Variants in TSPEAR observed in about 807,000 individuals in gnomAD.
The protein encoded by TSPEAR is thrombospondin type laminin G domain and EAR repeats, also known as thrombospondin-type laminin G domain and EAR repeat-containing protein.
Under a neutral mutation model 71.6 loss-of-function variants are expected in TSPEAR, and 69 were observed. The ratio of observed to expected loss-of-function variants is 0.96; its 90% CI spans 0.79 to 1.18. The LOEUF is 1.18. Among genes scored for constraint, TSPEAR ranks in the 50% most tolerant of loss-of-function variants. The pLI is 0.00. For synonymous variants in TSPEAR, 402 were observed against 387.2 expected (o/e 1.04, Z -0.45); for missense variants, 971 against 894.9 (o/e 1.09, Z -1.09).
chr21:44,514,518 C>A (rs59571442), intron 9 of TSPEAR, among the ~76,000 whole-genome samples: 1 of 152,208 alleles, frequency 6.6e-6, no homozygotes, highest in Non-Finnish European at 1.5e-5. Flanking sequence ...ACCCCACATG[C>A]CGACAGCTGC....
intron 9 of TSPEAR, chr21:44,516,214 T>G (rs1003840904): frequency 6.6e-6 from 1 of 152,254 alleles, no homozygotes; most frequent in Non-Finnish European, 1.5e-5. Context: ...CAGCAGGAAT[T>G]CCAGGGCTTT....
Position 44,638,259 on chromosome 21 carries a change from C to T in TSPEAR, c.83-70254G>A, listed in dbSNP as rs139760491. The T allele has an allele frequency of 2.6e-3, 3,882 of 1,520,386 alleles. 88 individuals carry two copies. The African/African-American group carries it at 0.048, about 19-fold the overall frequency. The allele number at this position is 1,520,386 out of a possible 1,614,324, so 94.2% of individuals were successfully genotyped here. ...CAAGCTCTGCCCTCTCTGGCTTTGACACCCTCAGAAGGTGGGGCAGGCTCT... is the reference window on the plus strand; with the variant it reads ...CAAGCTCTGCCCTCTCTGGCTTTGATACCCTCAGAAGGTGGGGCAGGCTCT... On this transcript the variant is annotated intron_variant, in intron 1 of 11. Transcript: ENST00000323084.
chr21:44,517,779 T>C (rs2052625579), intron 9 of TSPEAR: 1 of 471,096 alleles, frequency 2.1e-6, no homozygotes, highest in African/African-American at 2.0e-5. Flanking sequence ...TACCTCCTGA[T>C]ATCCAGGGCT....
At chr21:44,606,617 G>A (rs191926834) in intron 1 of TSPEAR, among the ~76,000 whole-genome samples, 12 of 152,242 alleles carry the variant, frequency 7.9e-5, no homozygotes, top group Admixed American at 3.3e-4. Flanking sequence ...GTATGGAATC[G>A]ATCTCAGTTC....
chr21:44,698,088 C>T, intron 1 of TSPEAR: 1 of 998,080 alleles, frequency 1.0e-6, no homozygotes, highest in South Asian at 1.7e-5. Flanking sequence ...AGCCTCTCTT[C>T]CCCTAAGCCC....
intron 1 of TSPEAR, chr21:44,647,504 T>C: frequency 1.1e-6 from 1 of 935,876 alleles, no homozygotes; most frequent in Non-Finnish European, 1.6e-6. Context: ...CGTCACACTT[T>C]CCTCCCCACT....
In TSPEAR at chr21:44,697,450, G is replaced by C. The variant is rs1029392419; in HGVS notation, c.82+13983C>G. 26 of 1,613,818 alleles carry C rather than the reference G, an allele frequency of 1.6e-5. 1 individual carries two copies. Among genetic ancestry groups the C allele is most frequent in the Admixed American group, 1.2e-4 (7 of 60,002 alleles). Reference sequence around the variant, plus strand: ...GCTGCACCAGCTCCTGCACGCCCTCGTGCTGCCAGCAGTCTAGCTGCCAGC... The same window carrying C: ...GCTGCACCAGCTCCTGCACGCCCTCCTGCTGCCAGCAGTCTAGCTGCCAGC... On this transcript the variant is annotated intron_variant, in intron 1 of 11. Transcript: ENST00000323084.
At chr21:44,589,422 T>G (rs1217580080) in intron 1 of TSPEAR, among the ~76,000 whole-genome samples, 1 of 152,188 alleles carries the variant, frequency 6.6e-6, no homozygotes, top group Non-Finnish European at 1.5e-5. Flanking sequence ...TACACCAGTC[T>G]CTGGCTGCTG....
chr21:44,511,458 G>A (rs1327430238), intron 9 of TSPEAR, among the ~76,000 whole-genome samples: 2 of 152,200 alleles, frequency 1.3e-5, no homozygotes, highest in African/African-American at 2.4e-5. Flanking sequence ...GCCTGCTCAT[G>A]TATACATACA....
In TSPEAR at chr21:44,637,162, C is replaced by T. The variant is rs587687479; in HGVS notation, c.83-69157G>A. Among the ~76,000 whole-genome samples the T allele has an allele frequency of 2.8e-4, 42 of 152,246 alleles. No individual in the cohort carries two copies. The East Asian group carries it at 4.1e-3, about 15-fold the overall frequency. On this transcript the variant is annotated intron_variant, in intron 1 of 11. Transcript: ENST00000323084. ...CCCGGGAGACAGGCTCAGCCAGGGG[C>T]GCCGGTCCTGCCCAGGACCAGCCAA...
chr21:44,503,566 G>T (rs1601315843), intron 11 of TSPEAR, among the ~76,000 whole-genome samples: 3 of 116,512 alleles, frequency 2.6e-5, no homozygotes, highest in African/African-American at 1.0e-4. Context: ...GAAGCAATGT[G>T]CTGGGAGGAA....
At chr21:44,588,399 G>A (rs587640071) in intron 1 of TSPEAR, among the ~76,000 whole-genome samples, 1 of 152,238 alleles carries the variant, frequency 6.6e-6, no homozygotes, top group South Asian at 2.1e-4. Context: ...CAGATGTGGT[G>A]AACAGGGAAG....
At chr21:44,633,542 T>C (rs1983373805) in intron 1 of TSPEAR, among the ~76,000 whole-genome samples, 1 of 152,238 alleles carries the variant, frequency 6.6e-6, no homozygotes, top group Non-Finnish European at 1.5e-5. Context: ...AATTTTCCAG[T>C]TTTCCTTCTG....
chr21:44,658,422 C>T, intron 1 of TSPEAR: 1 of 642,740 alleles, frequency 1.6e-6, no homozygotes, highest in Non-Finnish European at 2.4e-6. Flanking sequence ...ATGATTCAGA[C>T]CTTCCATGAC....
chr21:44,556,257 T>A (rs1555919757), intron 2 of TSPEAR, among the ~76,000 whole-genome samples: 1 of 150,334 alleles, frequency 6.7e-6, no homozygotes, highest in African/African-American at 2.5e-5. Flanking sequence ...ACACCTGTAG[T>A]CCTAGCTATT....
At chr21:44,572,841 AC>A in intron 1 of TSPEAR, among the ~76,000 whole-genome samples, 1 of 23,118 alleles carries the variant, frequency 4.3e-5, no homozygotes, top group Non-Finnish European at 1.1e-4. Context: ...TTGGACACAC[AC>A]ACACACACAC....
intron 9 of TSPEAR, among the ~76,000 whole-genome samples, chr21:44,513,690 T>G (rs2145934490): frequency 6.6e-6 from 1 of 152,274 alleles, no homozygotes; most frequent in Non-Finnish European, 1.5e-5. Context: ...GTGGATTAGT[T>G]GCTGGGCAAA....
intron 2 of TSPEAR, among the ~76,000 whole-genome samples, chr21:44,541,985 G>A (rs1306636160): frequency 6.6e-6 from 1 of 152,058 alleles, no homozygotes; most frequent in African/African-American, 2.4e-5. Context: ...AAAAGACCAA[G>A]AGGAAAAAAA....
intron 7 of TSPEAR, 150 bp downstream of exon 7, chr21:44,527,142 G>T: frequency 1.4e-6 from 1 of 728,392 alleles, no homozygotes; most frequent in Non-Finnish European, 2.3e-6. Flanking sequence ...GTGGGCTCAC[G>T]TGTGCGACTC....
Sources: gnomAD v4.1 joint callset for allele counts (sites outside exome capture counted in the v4.1 genomes callset) on GRCh38, gnomAD v4.1.1 for gene constraint, MANE v1.5 for transcripts, NCBI Gene and HGNC (gene_info 2026-07-23, HGNC 2026-07-21) for gene names.